Variants in TNFRSF19 observed in about 807,000 individuals in gnomAD.
TNFRSF19 encodes the protein TNF receptor superfamily member 19, also known as tumor necrosis factor receptor superfamily member 19.
A neutral mutation model predicts 46.4 loss-of-function variants in TNFRSF19; 27 were observed. The observed-to-expected ratio is 0.58, with a 90% confidence interval of 0.43 to 0.80. The LOEUF (loss-of-function observed/expected upper bound fraction) is 0.80. Ranked by LOEUF, TNFRSF19 falls within the 30% of genes least tolerant of loss-of-function variation. The pLI is 0.00. For synonymous variants in TNFRSF19, 204 were observed against 205.0 expected (o/e 1.00, Z 0.04); for missense variants, 511 against 530.8 (o/e 0.96, Z 0.37).
At chr13:23,647,643 A>C (rs1883411706) in intron 5 of TNFRSF19, among the ~76,000 whole-genome samples, 1 of 152,074 alleles carries the variant, frequency 6.6e-6, no homozygotes, top group South Asian at 2.1e-4. Flanking sequence ...CTTCCACTTC[A>C]GCCTCCCAAA....
At chr13:23,668,599 T>C in intron 8 of TNFRSF19, 93 bp from the exon 9 acceptor site, 1 of 1,446,636 alleles carries the variant, frequency 6.9e-7, no homozygotes, top group Non-Finnish European at 9.3e-7. Context: ...TGCTATTTCA[T>C]TTAGAAGACC....
chr13:23,629,653 A>AAAT, intron 5 of TNFRSF19, among the ~76,000 whole-genome samples: 1 of 152,350 alleles, frequency 6.6e-6, no homozygotes, highest in South Asian at 2.1e-4. Flanking sequence ...AACCTTGGGC[A>AAAT]AATAGTCTCC....
chr13:23,652,661 G>A (rs1336704988), intron 5 of TNFRSF19, among the ~76,000 whole-genome samples: 1 of 152,154 alleles, frequency 6.6e-6, no homozygotes, highest in African/African-American at 2.4e-5. Context: ...ACTGTTCTTT[G>A]CTCCAGCTGT....
Position 23,659,363 on chromosome 13 carries a change from G to A in TNFRSF19, c.610+149G>A. ...GGCACAAGAAACACAGGTGATCCCT[G>A]AACAGCAGAGGGCTAGGAGAGCAGT... On this transcript the variant is annotated intron_variant, in intron 6 of 9. Coordinates refer to ENST00000248484, the MANE Select transcript of TNFRSF19 (RefSeq NM_148957.4). The surrounding 1 kb of genome is among the most constrained non-coding windows in gnomAD (Gnocchi z 4.9). The A allele has an allele frequency of 1.2e-6, 1 of 860,386 alleles. No homozygotes were observed. Among genetic ancestry groups the A allele is most frequent in the Non-Finnish European group, 1.8e-6 (1 of 570,016 alleles). The allele number at this position is 860,386 out of a possible 1,614,324, so 53.3% of individuals were successfully genotyped here.
intron 3 of TNFRSF19, among the ~76,000 whole-genome samples, chr13:23,613,093 A>G (rs903305171): frequency 6.6e-6 from 1 of 152,256 alleles, no homozygotes; most frequent in Non-Finnish European, 1.5e-5. Context: ...AAAATGTCTT[A>G]GATGGAAATT....
chr13:23,636,512 G>T (rs1403545333), intron 5 of TNFRSF19, among the ~76,000 whole-genome samples: 2 of 152,202 alleles, frequency 1.3e-5, no homozygotes, highest in Non-Finnish European at 2.9e-5. Context: ...CACTGATGAG[G>T]ACACTGGGGC....
chr13:23,658,949 A>G (rs1350491508), intron 5 of TNFRSF19, 101 bp from the exon 6 acceptor site: 2 of 1,490,826 alleles, frequency 1.3e-6, no homozygotes, highest in East Asian at 4.5e-5. Context: ...CAGTTTTCTC[A>G]CAGCATGGGA....
chr13:23,571,989 T>C (rs1421762768), intron 1 of TNFRSF19, among the ~76,000 whole-genome samples: 2 of 152,118 alleles, frequency 1.3e-5, no homozygotes, highest in African/African-American at 4.8e-5. Context: ...AGACCAGTTA[T>C]CCTTTAGTCT....
chr13:23,580,134 C>T (rs1224905932), intron 1 of TNFRSF19, among the ~76,000 whole-genome samples: 1 of 152,192 alleles, frequency 6.6e-6, no homozygotes, highest in Admixed American at 6.5e-5. Flanking sequence ...GTAATGCCAT[C>T]TCATGGGACA....
chr13:23,673,539 T>C lies in TNFRSF19; in HGVS notation c.*159T>C. 7.7e-7 allele frequency: 1 copy of C among 1,302,130 alleles called. No individual in the cohort carries two copies. The highest frequency in any genetic ancestry group is 9.8e-7 in the Non-Finnish European group (1 of 1,016,054). The allele number at this position is 1,302,130 out of a possible 1,614,324, so 80.7% of individuals were successfully genotyped here. ...ATTTGAAGCCTTTCAGCCAGTTGCTTCTGAGCCAGACCAGCTGTAAGCTGA... is the reference window on the plus strand; with the variant it reads ...ATTTGAAGCCTTTCAGCCAGTTGCTCCTGAGCCAGACCAGCTGTAAGCTGA... On this transcript the variant is annotated 3_prime_UTR_variant, in exon 10 of 10. Coordinates refer to ENST00000248484, the MANE Select transcript of TNFRSF19 (RefSeq NM_148957.4).
At chr13:23,671,076 C>T (rs970924046) in intron 9 of TNFRSF19, among the ~76,000 whole-genome samples, 4 of 152,032 alleles carry the variant, frequency 2.6e-5, no homozygotes, top group South Asian at 2.1e-4. Flanking sequence ...GGTGGTGTGG[C>T]GGGGACAGGA....
In TNFRSF19 at chr13:23,659,401, C is replaced by A. The variant is rs553602117; in HGVS notation, c.610+187C>A. On this transcript the variant is annotated intron_variant, in intron 6 of 9. Transcript: ENST00000248484. The surrounding 1 kb of genome is among the most constrained non-coding windows in gnomAD (Gnocchi z 4.9). The stretch of plus-strand genomic sequence containing the variant: ...CTAGGAGAGCAGTTAAGAATCCACA[C>A]GTCAGTGTTGACTCCCCAAAAACTT... Among the ~76,000 whole-genome samples the A allele has an allele frequency of 6.6e-6, 1 of 152,302 alleles. No individual in the cohort carries two copies. The highest frequency in any genetic ancestry group is 1.5e-5 in the Non-Finnish European group (1 of 68,016).
chr13:23,600,778 C>T (rs78989638), intron 3 of TNFRSF19, among the ~76,000 whole-genome samples: 4 of 152,154 alleles, frequency 2.6e-5, no homozygotes, highest in Non-Finnish European at 5.9e-5. Flanking sequence ...GAGGCACAGG[C>T]CTGCACAGGA....
chr13:23,628,794 T>C (rs2138298234), intron 5 of TNFRSF19, among the ~76,000 whole-genome samples: 1 of 152,240 alleles, frequency 6.6e-6, no homozygotes, highest in South Asian at 2.1e-4. Context: ...TATATATGTG[T>C]GTGTATATGT....
At chr13:23,635,123 A>G (rs1422712776) in intron 5 of TNFRSF19, among the ~76,000 whole-genome samples, 1 of 152,126 alleles carries the variant, frequency 6.6e-6, no homozygotes, top group African/African-American at 2.4e-5. Flanking sequence ...CCTTCCTGGC[A>G]GCACAGACAG....
chr13:23,610,937 G>T (rs1007040708), intron 3 of TNFRSF19, among the ~76,000 whole-genome samples: 3 of 152,036 alleles, frequency 2.0e-5, no homozygotes, highest in Non-Finnish European at 2.9e-5. Context: ...AAGGTACCAG[G>T]TCATAATTTC....
chr13:23,589,410 G>A (rs1007072647), intron 1 of TNFRSF19, among the ~76,000 whole-genome samples: 6 of 152,186 alleles, frequency 3.9e-5, no homozygotes, highest in Admixed American at 3.9e-4. Context: ...TACATACTTT[G>A]CTCTATTCTG....
intron 5 of TNFRSF19, among the ~76,000 whole-genome samples, chr13:23,628,466 G>A (rs910239625): frequency 6.6e-6 from 1 of 152,192 alleles, no homozygotes; most frequent in East Asian, 1.9e-4. Flanking sequence ...AGGAAGGTGA[G>A]TTAAAATCAT....
intron 1 of TNFRSF19, among the ~76,000 whole-genome samples, chr13:23,575,503 C>G (rs945598218): frequency 1.3e-5 from 2 of 152,170 alleles, no homozygotes; most frequent in Non-Finnish European, 2.9e-5. Flanking sequence ...CCCTCAGCCC[C>G]ATGCTGATAG....
Sources: allele counts gnomAD v4.1 joint callset (sites outside exome capture counted in the v4.1 genomes callset), GRCh38; gene constraint gnomAD v4.1.1; non-coding constraint Gnocchi (gnomAD v3.1); transcripts MANE v1.5; gene names NCBI Gene and HGNC (gene_info 2026-07-23, HGNC 2026-07-21).